The following SLCO4A1 variants were observed in gnomAD, a reference collection of about 807,000 sequenced individuals.
SLCO4A1 encodes the protein solute carrier organic anion transporter family member 4A1.
A neutral mutation model predicts 64.6 loss-of-function variants in SLCO4A1; 51 were observed. The observed-to-expected ratio is 0.79, with a 90% CI of 0.63 to 1.00. The LOEUF (loss-of-function observed/expected upper bound fraction) is 1.00. Among genes scored for constraint, SLCO4A1 ranks in the 50% least tolerant of loss-of-function variants. SLCO4A1 has a pLI of 0.00. For missense variants in SLCO4A1, 919 were observed against 980.5 expected (o/e 0.94, Z 0.84); for synonymous variants, 471 against 444.9 (o/e 1.06, Z -0.74).
rs573328394 is a variant in SLCO4A1, at chr20:62,685,030, G to A, written n.212-411G>A. On this transcript the variant is annotated intron_variant and non_coding_transcript_variant, in intron 2 of 2. Transcript: ENST00000466818. The surrounding 1 kb of genome is among the most constrained non-coding windows in gnomAD (Gnocchi z 4.6). ...GCAGCACCTCAGAGAGACCAGTAAT[G>A]GGGCGGATTAGCAGGGGCCAAGGGT... 1.3e-5 allele frequency among the ~76,000 whole-genome samples: 2 copies of A among 152,240 alleles called. No homozygotes were observed. Among genetic ancestry groups the A allele is most frequent in the African/African-American group, 4.8e-5 (2 of 41,530 alleles).
At chr20:62,681,670 T>A (rs554534942) in intron 2 of SLCO4A1, among the ~76,000 whole-genome samples, 1 of 152,358 alleles carries the variant, frequency 6.6e-6, no homozygotes, top group Non-Finnish European at 1.5e-5. Context: ...AACAAGAGCT[T>A]ATCTCTCTGG....
At chr20:62,654,652 C>T (rs180803558) in intron 1 of SLCO4A1, among the ~76,000 whole-genome samples, 5 of 152,354 alleles carry the variant, frequency 3.3e-5, no homozygotes, top group Non-Finnish European at 7.3e-5. Flanking sequence ...GCATTTCTCA[C>T]GCTTTGTGTT....
At chr20:62,689,094 G>C (rs2147121223), downstream of SLCO4A1, among the ~76,000 whole-genome samples, 1 of 152,358 alleles carries the variant, frequency 6.6e-6, no homozygotes, top group African/African-American at 2.4e-5. Context: ...AAGGAATCAA[G>C]TCAGGCCCTC....
At chr20:62,669,387 G>A (rs1459830642) in intron 11 of SLCO4A1, among the ~76,000 whole-genome samples, 3 of 152,222 alleles carry the variant, frequency 2.0e-5, no homozygotes, top group Non-Finnish European at 2.9e-5. Context: ...GCACGTACCC[G>A]GGATGCCCGT....
intron 1 of SLCO4A1, among the ~76,000 whole-genome samples, chr20:62,654,042 T>TA (rs950859333): frequency 5.3e-5 from 8 of 151,286 alleles, no homozygotes; most frequent in South Asian, 2.1e-4. Context: ...AGTATAATAA[T>TA]AAAAAAAAAT....
At chr20:62,679,242 C>T (rs1011408853) in intron 2 of SLCO4A1, among the ~76,000 whole-genome samples, 1 of 152,164 alleles carries the variant, frequency 6.6e-6, no homozygotes, top group African/African-American at 2.4e-5. Context: ...GGCAGAGCTG[C>T]TCTGGGTCAC....
At chr20:62,646,698 C>T (rs576271265) in intron 1 of SLCO4A1, among the ~76,000 whole-genome samples, 5 of 152,336 alleles carry the variant, frequency 3.3e-5, no homozygotes, top group South Asian at 4.1e-4. Context: ...TTGAGTAGGA[C>T]GCTCAGTGGC....
chr20:62,683,990 G>A (rs1452265205), intron 2 of SLCO4A1, among the ~76,000 whole-genome samples: 1 of 4,460 alleles, frequency 2.2e-4, no homozygotes, highest in Non-Finnish European at 4.5e-4. Flanking sequence ...TCCCACACAC[G>A]CTCACGCAAC....
chr20:62,668,893 C>T (rs1164447474), intron 10 of SLCO4A1, 37 bp from the exon 11 acceptor site: 11 of 1,592,022 alleles, frequency 6.9e-6, no homozygotes, highest in Non-Finnish European at 9.4e-6. Context: ...CCCCTACCCA[C>T]CAGGAGTGTG....
In SLCO4A1 at chr20:62,661,449, G is replaced by A. The variant is rs528332628; in HGVS notation, c.1121+274G>A. 1.4e-4 allele frequency among the ~76,000 whole-genome samples: 22 copies of A among 152,214 alleles called. No homozygotes were observed. Among genetic ancestry groups the A allele is most frequent in the Admixed American group, 1.1e-3 (17 of 15,300 alleles). On this transcript the variant is annotated intron_variant, in intron 5 of 11. Coordinates refer to ENST00000217159, the MANE Select transcript of SLCO4A1 (RefSeq NM_016354.4). This position sits in a 1 kb window ranked among gnomAD's most constrained non-coding sequence, Gnocchi z 5.2. ...GGAGCCATCACTTCACTCATACAGT[G>A]TGGAGACTCCTGTGGGCTGCGCCTG... is the stretch of plus-strand genomic sequence containing the variant.
chr20:62,645,007 C>T lies in SLCO4A1; in HGVS notation c.-97+2454C>T, dbSNP rs150121618. ...TCCCTCACGAGCCACATGACTGCCTCATTTGCAAGTGGCAAGGTGCACACT... is the reference window on the plus strand; with the variant it reads ...TCCCTCACGAGCCACATGACTGCCTTATTTGCAAGTGGCAAGGTGCACACT... On this transcript the variant is annotated intron_variant, in intron 1 of 11. Transcript: ENST00000217159. This position sits in a 1 kb window ranked among gnomAD's most constrained non-coding sequence, Gnocchi z 4.2. Among the ~76,000 whole-genome samples, 427 of 152,386 alleles carry T rather than the reference C, an allele frequency of 2.8e-3. 2 individuals carry two copies. Among genetic ancestry groups the T allele is most frequent in the Non-Finnish European group, 5.3e-3 (361 of 68,036 alleles).
At chr20:62,654,097 A>G (rs1983172783) in intron 1 of SLCO4A1, among the ~76,000 whole-genome samples, 1 of 152,168 alleles carries the variant, frequency 6.6e-6, no homozygotes, top group Non-Finnish European at 1.5e-5. Flanking sequence ...CAAAGTCCAC[A>G]CAGGCTGTGC....
intron 2 of SLCO4A1, among the ~76,000 whole-genome samples, chr20:62,657,987 T>G (rs1984049048): frequency 6.6e-6 from 1 of 152,058 alleles, no homozygotes; most frequent in Non-Finnish European, 1.5e-5. Flanking sequence ...TCCTGTTTGT[T>G]GAGATGTAGG....
downstream of SLCO4A1, among the ~76,000 whole-genome samples, chr20:62,688,912 G>A (rs73918623): frequency 4.4e-4 from 67 of 152,312 alleles, 1 homozygote; most frequent in Middle Eastern, 6.8e-3. Flanking sequence ...CCAATAAACC[G>A]AACGAGTACA....
At position 62,661,041 on chromosome 20, in the gene SLCO4A1, C is replaced by CCCCCCCCCCCCCCCCCCACAA; in HGVS notation, c.1010-23_1010-22insCCCCCCCCCCCCCCCCCACAA. On this transcript the variant is annotated intron_variant, in intron 4 of 11. Transcript: ENST00000217159. This position sits in a 1 kb window ranked among gnomAD's most constrained non-coding sequence, Gnocchi z 5.2. ...TCCGGGAGCCCCCAGCCCCCAGCCC[C>CCCCCCCCCCCCCCCCCCACAA]AGCTCACTCTGTGCCCTTCCAGGCT... 2 of 1,424,140 alleles carry CCCCCCCCCCCCCCCCCCACAA rather than the reference C, an allele frequency of 1.4e-6. No individual in the cohort carries two copies. The highest frequency in any genetic ancestry group is 2.0e-6 in the Non-Finnish European group (2 of 1,010,138). The allele number at this position is 1,424,140 out of a possible 1,614,324, so 88.2% of individuals were successfully genotyped here.
At chr20:62,690,272 G>C (rs897139626), downstream of SLCO4A1, among the ~76,000 whole-genome samples, 1 of 152,196 alleles carries the variant, frequency 6.6e-6, no homozygotes, top group African/African-American at 2.4e-5. Flanking sequence ...CTGGGTGTCC[G>C]ACGTCTCATC....
Position 62,657,233 on chromosome 20 carries a change from G to T in SLCO4A1, c.779G>T (p.Cys260Phe). The T allele has an allele frequency of 1.3e-6, 2 of 1,533,496 alleles. No individual in the cohort carries two copies. The highest frequency in any genetic ancestry group is 1.8e-6 in the Non-Finnish European group (2 of 1,134,720). 95.0% of individuals were successfully genotyped at this position (1,533,496 alleles called of 1,614,324 possible). A position where few individuals can be genotyped will look rare whatever the true frequency, so the allele number is the denominator to read the frequency against. Residue 260 changes from cysteine to phenylalanine, a missense_variant, in exon 2 of 12, where the codon TGC becomes TTC. Cys to Phe is a radical substitution (Grantham distance 205, BLOSUM62 -2). Transcript: ENST00000217159. ...TYLDENVKSS[C>F]SPVYIAIFYT... The stretch of plus-strand genomic sequence containing the variant: ...CTGGATGAGAACGTCAAGTCCAGCT[G>T]CTCGCCCGTCTACATTGGTGAGTGG...
intron 6 of SLCO4A1, 58 bp from the exon 7 acceptor site, chr20:62,666,322 C>T (rs1184105502): frequency 2.0e-6 from 3 of 1,511,110 alleles, no homozygotes; most frequent in East Asian, 4.5e-5. Context: ...TGATCCACCA[C>T]CCTCTCCCAC....
intron 2 of SLCO4A1, among the ~76,000 whole-genome samples, chr20:62,678,532 C>CTT (rs71195465): frequency 0.095 from 13,125 of 138,648 alleles, 812 homozygotes; most frequent in Non-Finnish European, 0.14. Flanking sequence ...CAGCGCTATT[C>CTT]TTTTTTTTTT....
Sources: allele counts gnomAD v4.1 joint callset (sites outside exome capture counted in the v4.1 genomes callset), GRCh38; gene constraint gnomAD v4.1.1; non-coding constraint Gnocchi (gnomAD v3.1); transcripts MANE v1.5; gene names NCBI Gene and HGNC (gene_info 2026-07-23, HGNC 2026-07-21).